FAP: variants seen among roughly 807,000 people sequenced by gnomAD.
FAP encodes the protein prolyl endopeptidase FAP.
In FAP, 110 loss-of-function variants were observed where a neutral mutation model predicts 126.5. That is an observed-to-expected ratio of 0.87 (90% CI 0.74 to 1.02). The LOEUF (loss-of-function observed/expected upper bound fraction) is 1.02, where lower values mean the gene tolerates loss of function less well. FAP is among the 50% of genes least tolerant of loss of function. The probability of loss-of-function intolerance (pLI) is 0.00; values close to 1 mark genes in which losing one functional copy is unlikely to be tolerated. For missense variants in FAP, 919 were observed against 909.2 expected (o/e 1.01, Z -0.14); for synonymous variants, 334 against 297.3 (o/e 1.12, Z -1.27).
chr2:162,202,411 G>C (rs1412084551), intron 14 of FAP, among the ~76,000 whole-genome samples: 1 of 152,148 alleles, frequency 6.6e-6, no homozygotes, highest in Non-Finnish European at 1.5e-5. Context: ...GCAAACTTAG[G>C]ATAATCATTT....
intron 24 of FAP, 101 bp downstream of exon 24, chr2:162,173,048 T>A (rs1473437657): frequency 1.7e-6 from 2 of 1,200,652 alleles, no homozygotes; most frequent in East Asian, 4.7e-5. Flanking sequence ...GACTCTTAGG[T>A]ACTGACCCTG....
At position 162,189,184 on chromosome 2, in the gene FAP, A is replaced by G; in HGVS notation, c.1550-12T>C. The stretch of plus-strand genomic sequence containing the variant: ...CTTGTACCATAAAGCTTTGAGGAAA[A>G]AAAAAGGAGAAAAATCTTCATTCCA... On this transcript the variant is annotated splice_polypyrimidine_tract_variant and intron_variant, in intron 18 of 25. Coordinates refer to ENST00000188790, the MANE Select transcript of FAP (RefSeq NM_004460.5). 6.4e-7 allele frequency: 1 copy of G among 1,552,694 alleles called. No homozygotes were observed. The highest frequency in any genetic ancestry group is 8.8e-7 in the Non-Finnish European group (1 of 1,136,862).
chr2:162,173,303 G>T (rs1687379697), intron 23 of FAP, 82 bp from the exon 24 acceptor site: 2 of 948,800 alleles, frequency 2.1e-6, no homozygotes, highest in African/African-American at 3.2e-5. Context: ...AATGGACTTA[G>T]CACCAATACT....
chr2:162,176,174 G>A (rs1314767301), intron 21 of FAP: 1 of 152,182 alleles, frequency 6.6e-6, no homozygotes, highest in Non-Finnish European at 1.5e-5. Flanking sequence ...GAGAGAGAGA[G>A]AGAGGTAGAC....
At chr2:162,207,384 T>C (rs953667093) in intron 12 of FAP, among the ~76,000 whole-genome samples, 4 of 152,240 alleles carry the variant, frequency 2.6e-5, no homozygotes, top group Admixed American at 6.5e-5. Context: ...GAATACATGT[T>C]AAGAGATTGA....
chr2:162,176,036 AC>A (rs1275487316), intron 21 of FAP: 2 of 152,158 alleles, frequency 1.3e-5, no homozygotes, highest in African/African-American at 4.8e-5. Context: ...CTAAAGCCAT[AC>A]CATGTTTTTA....
intron 6 of FAP, among the ~76,000 whole-genome samples, chr2:162,223,099 C>A (rs888587082): frequency 3.3e-5 from 5 of 151,968 alleles, no homozygotes; most frequent in Admixed American, 3.3e-4. Context: ...TTCAAAAGAA[C>A]ATTTAGTATT....
rs1687983387 is a variant in FAP, at chr2:162,189,984, T to A, written c.1451-230A>T. On this transcript the variant is annotated intron_variant, in intron 17 of 25. Transcript: ENST00000188790. ...GTGTCTTTAACTAATTCTAATAGCA[T>A]CAGAACACATTTTGAGCAAAAATCA... 6.6e-5 allele frequency among the ~76,000 whole-genome samples: 10 copies of A among 152,132 alleles called. No homozygotes were observed. In the South Asian group the frequency reaches 2.1e-3, roughly 32 times the overall value.
Position 162,218,120 on chromosome 2 carries a change from A to G in FAP, c.628T>C (p.Tyr210His). 1 of 1,604,552 alleles carries G rather than the reference A, an allele frequency of 6.2e-7. No individual in the cohort carries two copies. Among genetic ancestry groups the G allele is most frequent in the Non-Finnish European group, 8.5e-7 (1 of 1,176,064 alleles). Reference protein sequence around the residue: ...VYEEEMLATKYALWWSPNGKF... With the variant: ...VYEEEMLATKHALWWSPNGKF... ...CCATTAGGAGACCACCAGAGAGCATATTTTGTAGCAAGCATTTCCTCTGAA... is the reference window on the plus strand; with the variant it reads ...CCATTAGGAGACCACCAGAGAGCATGTTTTGTAGCAAGCATTTCCTCTGAA... Residue 210 changes from tyrosine (Y) to histidine (H), a missense_variant, in exon 9 of 26, where the codon TAT (tyrosine) becomes CAT (histidine). Transcript: ENST00000188790.
chr2:162,239,310 T>C (rs553091399), intron 2 of FAP, among the ~76,000 whole-genome samples: 3 of 152,230 alleles, frequency 2.0e-5, no homozygotes, highest in Admixed American at 2.0e-4. Flanking sequence ...GTTCTGGGAT[T>C]ACAGCCATAA....
chr2:162,219,830 A>G lies in FAP; in HGVS notation c.486+23T>C, dbSNP rs1020469033. On this transcript the variant is annotated intron_variant, in intron 7 of 25. Transcript: ENST00000188790. ...TCCTCTTTTATTTACATGATTAAAC[A>G]CTTCAAAAATTTAAACACTTACTAA... The G allele has an allele frequency of 3.3e-6, 5 of 1,530,408 alleles. No individual in the cohort carries two copies. The East Asian group carries it at 6.8e-5, about 21-fold the overall frequency. The allele number at this position is 1,530,408 out of a possible 1,614,324, so 94.8% of individuals were successfully genotyped here.
intron 15 of FAP, among the ~76,000 whole-genome samples, chr2:162,199,329 T>C (rs928290788): frequency 2.0e-5 from 3 of 152,170 alleles, no homozygotes; most frequent in Non-Finnish European, 1.5e-5. Context: ...ATGGGGAAAT[T>C]AATAATAAGC....
chr2:162,192,199 AACTT>A (rs1688072129), intron 17 of FAP, among the ~76,000 whole-genome samples: 1 of 152,062 alleles, frequency 6.6e-6, no homozygotes, highest in Admixed American at 6.6e-5. Context: ...TGTCTTTTTA[AACTT>A]ACTTATGCAG....
At chr2:162,238,331 A>G (rs1381094290) in intron 2 of FAP, among the ~76,000 whole-genome samples, 3 of 152,176 alleles carry the variant, frequency 2.0e-5, no homozygotes, top group African/African-American at 7.2e-5. Context: ...AGGTATATCT[A>G]TGACTGGATG....
chr2:162,238,367 T>C (rs543383903), intron 2 of FAP, among the ~76,000 whole-genome samples: 3 of 152,330 alleles, frequency 2.0e-5, no homozygotes, highest in South Asian at 4.1e-4. Flanking sequence ...TAACTCAATT[T>C]GCTTTGGAAA....
At chr2:162,200,203 AT>A (rs1415457275) in intron 15 of FAP, among the ~76,000 whole-genome samples, 2 of 152,210 alleles carry the variant, frequency 1.3e-5, no homozygotes, top group African/African-American at 4.8e-5. Flanking sequence ...AGGAAATCAC[AT>A]ATTATCAGAA....
At chr2:162,171,925 A>T (rs1687317952) in intron 25 of FAP, 2 of 152,098 alleles carry the variant, frequency 1.3e-5, no homozygotes, top group Non-Finnish European at 2.9e-5. Flanking sequence ...GAAAATTATA[A>T]TTATTCTCTT....
rs377305181 is a variant in FAP, at chr2:162,179,104, T to C, written c.1870-4138A>G. On this transcript the variant is annotated intron_variant, in intron 21 of 25. Coordinates refer to ENST00000188790, the MANE Select transcript of FAP (RefSeq NM_004460.5). ...ATTATCTTTCTAAGACACCAATACC[T>C]TGCCCTATTGACTTCAAGAGCACTT... Among the ~76,000 whole-genome samples the C allele has an allele frequency of 5.9e-5, 9 of 152,302 alleles. No homozygotes were observed. The East Asian group carries it at 1.7e-3, about 29-fold the overall frequency.
At chr2:162,183,392 T>TA in intron 21 of FAP, 22 bp downstream of exon 21, 2 of 1,565,616 alleles carry the variant, frequency 1.3e-6, no homozygotes, top group Non-Finnish European at 1.8e-6. Flanking sequence ...ATAACAGGCA[T>TA]AAAAAATATA....
Sources: gnomAD v4.1 joint callset for allele counts (sites outside exome capture counted in the v4.1 genomes callset) on GRCh38, gnomAD v4.1.1 for gene constraint, MANE v1.5 for transcripts, NCBI Gene and HGNC (gene_info 2026-07-23, HGNC 2026-07-21) for gene names.